Variants in FRMPD4 observed in about 807,000 individuals in gnomAD.
FRMPD4 encodes the protein FERM and PDZ domain-containing protein 4.
Under a neutral mutation model 94.1 loss-of-function variants are expected in FRMPD4, and 22 were observed. That is an observed-to-expected ratio of 0.23 (90% confidence interval 0.17 to 0.33). The LOEUF is 0.33. Among genes scored for constraint, FRMPD4 ranks in the 10% least tolerant of loss-of-function variants. The probability of loss-of-function intolerance (pLI) is 1.00; values close to 1 mark genes in which losing one functional copy is unlikely to be tolerated. For missense variants in FRMPD4, 1,111 were observed against 1,339.9 expected (o/e 0.83, Z 2.67); for synonymous variants, 631 against 548.6 (o/e 1.15, Z -2.10).
intron 1 of FRMPD4, among the ~76,000 whole-genome samples, chrX:12,277,058 T>C (rs1359137246): frequency 9.9e-5 from 10 of 101,026 alleles, no homozygotes; most frequent in African/African-American, 3.3e-4. Flanking sequence ...GAGGCGGAGC[T>C]TGCAGTGAGC....
At chrX:12,193,686 A>G (rs1378389476) in intron 1 of FRMPD4, among the ~76,000 whole-genome samples, 3 of 102,346 alleles carry the variant, frequency 2.9e-5, no homozygotes, top group Non-Finnish European at 6.0e-5. Context: ...GAAAGAGAAA[A>G]AGAAAAAGAT....
chrX:11,884,022 G>A (rs906819858), intron 3 of FRMPD4, among the ~76,000 whole-genome samples: 18 of 111,337 alleles, frequency 1.6e-4, no homozygotes, highest in Non-Finnish European at 3.0e-4. Context: ...TTCATCTTAG[G>A]GCCTCATCTC....
chrX:11,896,059 TCAGGCTTC>T (rs1210481636), intron 3 of FRMPD4, among the ~76,000 whole-genome samples: 1 of 112,735 alleles, frequency 8.9e-6, no homozygotes, highest in East Asian at 2.8e-4. Flanking sequence ...TTTCTCAATT[TCAGGCTTC>T]CAGCCATTGA....
intron 5 of FRMPD4, 34 bp from the exon 6 acceptor site, chrX:12,683,449 C>G (rs763745398): frequency 2.7e-5 from 19 of 710,834 alleles, no homozygotes; most frequent in Non-Finnish European, 4.2e-5. Context: ...ATTATGTTAC[C>G]AGTAATCAGA....
At chrX:11,904,018 G>A (rs2053953589) in intron 3 of FRMPD4, among the ~76,000 whole-genome samples, 1 of 111,348 alleles carries the variant, frequency 9.0e-6, no homozygotes, top group African/African-American at 3.3e-5. Flanking sequence ...CTGGGCTCAA[G>A]CAATCCCTCA....
At chrX:12,632,040 T>C (rs1286163503) in intron 4 of FRMPD4, among the ~76,000 whole-genome samples, 5 of 111,799 alleles carry the variant, frequency 4.5e-5, no homozygotes, top group Non-Finnish European at 9.4e-5. Context: ...ATGCAGTGTT[T>C]ATTGCCCTTT....
At chrX:12,328,726 G>T (rs758839097) in intron 1 of FRMPD4, among the ~76,000 whole-genome samples, 9 of 111,619 alleles carry the variant, frequency 8.1e-5, no homozygotes, top group Admixed American at 7.6e-4. Flanking sequence ...ATTCAGAATC[G>T]GAAACAATAG....
intron 1 of FRMPD4, among the ~76,000 whole-genome samples, chrX:12,390,447 G>A (rs895662086): frequency 1.8e-5 from 2 of 111,903 alleles, no homozygotes; most frequent in Non-Finnish European, 3.8e-5. Context: ...TGCTCAGTGT[G>A]TAATAATCTG....
intron 1 of FRMPD4, among the ~76,000 whole-genome samples, chrX:12,173,584 C>G (rs754182008): frequency 8.9e-6 from 1 of 112,225 alleles, no homozygotes; most frequent in Admixed American, 9.4e-5. Context: ...TTCAACCTGG[C>G]TTTGCTACCA....
In FRMPD4 at chrX:11,980,692, T is replaced by A. The variant is rs193041495; in HGVS notation, c.95+102674T>A. 5.7e-3 allele frequency among the ~76,000 whole-genome samples: 638 copies of A among 112,054 alleles called. 3 individuals are homozygous for A. The highest frequency in any genetic ancestry group is 0.02 in the African/African-American group (615 of 30,935). The stretch of plus-strand genomic sequence containing the variant: ...AGCATGTCATACCTTTACAACTAGA[T>A]GAGTTTTCACAAATTGAACATGCTC... On this transcript the variant is annotated intron_variant, in intron 3 of 18. Coordinates refer to the FRMPD4 transcript ENST00000640291.
chrX:12,039,217 A>T (rs186561357), intron 3 of FRMPD4, among the ~76,000 whole-genome samples: 6,796 of 107,677 alleles, frequency 0.063, 237 homozygotes, highest in East Asian at 0.23. Flanking sequence ...TTATTTATTT[A>T]TTTTTATTTT....
intron 1 of FRMPD4, among the ~76,000 whole-genome samples, chrX:12,478,822 TTAGA>T (rs1431989261): frequency 9.0e-6 from 1 of 111,653 alleles, no homozygotes; most frequent in Non-Finnish European, 1.9e-5. Flanking sequence ...GTCTGCTTGT[TTAGA>T]TAATTAAATG....
At chrX:12,534,067 G>A (rs1281911948) in intron 2 of FRMPD4, among the ~76,000 whole-genome samples, 4 of 112,699 alleles carry the variant, frequency 3.5e-5, no homozygotes, top group Non-Finnish European at 7.5e-5. Context: ...CAGGGTTCCC[G>A]TGCTGTGTGC....
intron 2 of FRMPD4, among the ~76,000 whole-genome samples, chrX:11,869,966 A>G (rs1186829274): frequency 9.0e-6 from 1 of 111,538 alleles, no homozygotes; most frequent in Non-Finnish European, 1.9e-5. Context: ...ACTGCACCCC[A>G]TATCATGGGC....
At chrX:12,312,514 A>G (rs2055051454) in intron 1 of FRMPD4, among the ~76,000 whole-genome samples, 1 of 109,851 alleles carries the variant, frequency 9.1e-6, no homozygotes, top group African/African-American at 3.3e-5. Flanking sequence ...CAGCCTCCCA[A>G]AGTGCTGGGA....
chrX:12,322,569 A>G (rs1000839042), intron 1 of FRMPD4, among the ~76,000 whole-genome samples: 1 of 110,208 alleles, frequency 9.1e-6, no homozygotes, highest in African/African-American at 3.3e-5. Context: ...TTGGGAGGGT[A>G]CAGGAGCCAG....
In FRMPD4 at chrX:12,718,927, C is replaced by G. The variant is rs192227904; in HGVS notation, c.3964+137C>G. ...TAAAAGGCCACAGAACTGTAAAGTA[C>G]CAATCATTGATCCCCTGGTATTTAA... On this transcript the variant is annotated intron_variant, in intron 16 of 16. Coordinates refer to ENST00000675598, the MANE Select transcript of FRMPD4 (RefSeq NM_001368397.1). The G allele has an allele frequency of 1.1e-3, 470 of 432,122 alleles. 1 individual carries two copies. The highest frequency in any genetic ancestry group is 2.3e-3 in the Admixed American group (57 of 25,263). The allele number at this position is 432,122 out of a possible 1,213,427, so 35.6% of individuals were successfully genotyped here. A position where few individuals can be genotyped will look rare whatever the true frequency, so the allele number is the denominator to read the frequency against.
intron 1 of FRMPD4, among the ~76,000 whole-genome samples, chrX:12,210,329 G>C (rs1271218745): frequency 9.0e-6 from 1 of 111,486 alleles, no homozygotes; most frequent in East Asian, 2.8e-4. Flanking sequence ...GAGTGGGAAA[G>C]AACACAGGTC....
chrX:12,244,181 C>G (rs2053922387), intron 1 of FRMPD4, among the ~76,000 whole-genome samples: 1 of 109,503 alleles, frequency 9.1e-6, no homozygotes, highest in Non-Finnish European at 1.9e-5. Context: ...GGAGGTATGC[C>G]CAGAAACTGC....
Sources: allele counts gnomAD v4.1 joint callset (sites outside exome capture counted in the v4.1 genomes callset), GRCh38; gene constraint gnomAD v4.1.1; transcripts MANE v1.5; gene names NCBI Gene and HGNC (gene_info 2026-07-23, HGNC 2026-07-21).